Variants in ZFAT observed in about 807,000 individuals in gnomAD.
ZFAT encodes zinc finger protein ZFAT.
ZFAT carries 64 observed loss-of-function variants against 117.7 expected under a neutral mutation model. That is an observed-to-expected ratio of 0.54 (90% CI 0.44 to 0.67). ZFAT has a LOEUF of 0.67. ZFAT is among the 30% of genes least tolerant of loss of function. ZFAT has a pLI of 0.00. For missense variants in ZFAT, 1,433 were observed against 1,584.5 expected (o/e 0.90, Z 1.62); for synonymous variants, 679 against 615.0 (o/e 1.10, Z -1.54).
rs1446542127 is a variant in ZFAT at position 134,712,744 on chromosome 8, C to T, written c.19+101G>A. ...GCGGCCGGCGGCCGGCGGCCGGCGG[C>T]CGGCGCACTGCTTCCCGACTCGACG... On this transcript the variant is annotated intron_variant, in intron 1 of 15. Transcript: ENST00000377838. 193 of 1,212,596 alleles carry T rather than the reference C, an allele frequency of 1.6e-4. 1 individual carries two copies. Among genetic ancestry groups the T allele is most frequent in the Non-Finnish European group, 2.1e-4 (190 of 921,016 alleles). 75.1% of individuals were successfully genotyped at this position (1,212,596 alleles called of 1,614,324 possible).
At chr8:134,700,106 C>G (rs530730481) in intron 1 of ZFAT, among the ~76,000 whole-genome samples, 48 of 152,338 alleles carry the variant, frequency 3.2e-4, no homozygotes, top group African/African-American at 1.1e-3. Context: ...AAAAACACTT[C>G]CTGAGCACCA....
intron 1 of ZFAT, among the ~76,000 whole-genome samples, chr8:134,696,738 G>T (rs1317432118): frequency 1.3e-5 from 2 of 152,198 alleles, no homozygotes; most frequent in Non-Finnish European, 2.9e-5. Context: ...AGGGGGTGTG[G>T]CCTGAGGCTG....
rs545323132 is a variant in ZFAT at position 134,634,293 on chromosome 8, G to A, written c.448+3168C>T. On this transcript the variant is annotated intron_variant, in intron 3 of 15. Coordinates refer to ENST00000377838, the MANE Select transcript of ZFAT (RefSeq NM_020863.4). ...TCTCAGTTCTGAAAAATACATATGG[G>A]TGTACAAAGAATGGAGGAGGGCCTT... 1.8e-4 allele frequency among the ~76,000 whole-genome samples: 28 copies of A among 152,306 alleles called. No individual in the cohort carries two copies. The East Asian group carries it at 3.5e-3, about 19-fold the overall frequency.
chr8:134,505,104 T>C (rs190598335), intron 15 of ZFAT, among the ~76,000 whole-genome samples: 30 of 152,324 alleles, frequency 2.0e-4, no homozygotes, highest in African/African-American at 6.7e-4. Flanking sequence ...TGATTGTTCT[T>C]TTTTCCAGTG....
At chr8:134,831,520 T>A in the ZFAT span, among the ~76,000 whole-genome samples, 1 of 152,258 alleles carries the variant, frequency 6.6e-6, no homozygotes, top group East Asian at 1.9e-4. Context: ...TCCCGGCCGG[T>A]CCAGCCTGGC....
intron 3 of ZFAT, among the ~76,000 whole-genome samples, chr8:134,636,341 A>G (rs922881143): frequency 2.0e-5 from 3 of 152,206 alleles, no homozygotes; most frequent in Non-Finnish European, 2.9e-5. Flanking sequence ...AAGGATGACA[A>G]CAATACTGTA....
At chr8:134,548,230 A>G (rs573979591) in intron 11 of ZFAT, among the ~76,000 whole-genome samples, 1 of 152,358 alleles carries the variant, frequency 6.6e-6, no homozygotes, top group African/African-American at 2.4e-5. Context: ...GAGCCTCAAG[A>G]ATTTACATTC....
intron 15 of ZFAT, among the ~76,000 whole-genome samples, chr8:134,487,151 T>C (rs552067310): frequency 1.3e-5 from 2 of 152,300 alleles, no homozygotes; most frequent in East Asian, 1.9e-4. Flanking sequence ...GGTATGGGCA[T>C]GGCTTTGTGT....
At chr8:134,520,661 A>G (rs1323654080) in intron 13 of ZFAT, among the ~76,000 whole-genome samples, 1 of 152,190 alleles carries the variant, frequency 6.6e-6, no homozygotes, top group Non-Finnish European at 1.5e-5. Flanking sequence ...TTCACAAGAG[A>G]GTCTAAATTC....
intron 11 of ZFAT, among the ~76,000 whole-genome samples, chr8:134,553,279 G>A (rs375959427): frequency 2.6e-5 from 4 of 152,186 alleles, no homozygotes; most frequent in African/African-American, 9.7e-5. Context: ...GCCGAGGCAG[G>A]TGGATCAAGA....
the ZFAT span, among the ~76,000 whole-genome samples, chr8:134,722,363 A>G: frequency 6.6e-6 from 1 of 152,186 alleles, no homozygotes; most frequent in Non-Finnish European, 1.5e-5. Context: ...GCCCTATCGC[A>G]TTCAAGGGTG....
chr8:134,573,114 C>A (rs1825048335), intron 10 of ZFAT, among the ~76,000 whole-genome samples: 1 of 152,166 alleles, frequency 6.6e-6, no homozygotes, highest in African/African-American at 2.4e-5. Context: ...AATAATGTTG[C>A]AGGAGGAAGA....
the ZFAT span, among the ~76,000 whole-genome samples, chr8:134,728,019 G>T: frequency 3.3e-5 from 5 of 152,342 alleles, no homozygotes; most frequent in Admixed American, 3.3e-4. Flanking sequence ...GAGCAGACAT[G>T]CTGTACCAGG....
the ZFAT span, among the ~76,000 whole-genome samples, chr8:134,776,975 C>T: frequency 2.5e-3 from 383 of 152,260 alleles, 17 homozygotes; most frequent in East Asian, 0.066. Context: ...AAATTCTCTT[C>T]CATCCTTACA....
At chr8:134,527,348 G>C (rs1314307224) in intron 12 of ZFAT, among the ~76,000 whole-genome samples, 1 of 152,230 alleles carries the variant, frequency 6.6e-6, no homozygotes, top group Non-Finnish European at 1.5e-5. Flanking sequence ...CACGAAGTGT[G>C]TGGTGACTTG....
At chr8:134,499,930 G>C (rs930031072) in intron 15 of ZFAT, among the ~76,000 whole-genome samples, 5 of 152,200 alleles carry the variant, frequency 3.3e-5, no homozygotes, top group Admixed American at 2.6e-4. Context: ...GAGTAGGAAG[G>C]AGGGGGACAC....
At chr8:134,506,904 C>A (rs1245874137) in intron 15 of ZFAT, among the ~76,000 whole-genome samples, 1 of 152,226 alleles carries the variant, frequency 6.6e-6, no homozygotes, top group African/African-American at 2.4e-5. Context: ...ACATCACATA[C>A]TTTATGATGA....
chr8:134,640,303 A>T lies in ZFAT; in HGVS notation c.197-2591T>A, dbSNP rs116651303. Reference sequence around the variant, plus strand: ...AAAGGTGGTCCAGGAGACCCTCCAAACTTGTGGCTGGTATCAGGAGTCTTG... The same window carrying T: ...AAAGGTGGTCCAGGAGACCCTCCAATCTTGTGGCTGGTATCAGGAGTCTTG... On this transcript the variant is annotated intron_variant, in intron 2 of 15. Transcript: ENST00000377838. Among the ~76,000 whole-genome samples the T allele has an allele frequency of 8.0e-3, 1,219 of 152,308 alleles. 12 individuals carry two copies. Among genetic ancestry groups the T allele is most frequent in the African/African-American group, 0.028 (1,168 of 41,558 alleles).
At chr8:134,632,676 C>G (rs1416012050) in intron 3 of ZFAT, among the ~76,000 whole-genome samples, 6 of 151,936 alleles carry the variant, frequency 3.9e-5, no homozygotes, top group Non-Finnish European at 2.9e-5. Context: ...ACGATACAAA[C>G]AGTGGTGACA....
Sources: gnomAD v4.1 joint callset for allele counts (sites outside exome capture counted in the v4.1 genomes callset) on GRCh38, gnomAD v4.1.1 for gene constraint, MANE v1.5 for transcripts, NCBI Gene and HGNC (gene_info 2026-07-23, HGNC 2026-07-21) for gene names.